The following ARID1B variants were observed in gnomAD, a reference collection of about 807,000 sequenced individuals.
ARID1B encodes AT-rich interactive domain-containing protein 1B.
Under a neutral mutation model 212.3 loss-of-function variants are expected in ARID1B, and 30 were observed. That is an observed-to-expected ratio of 0.14 (90% CI 0.11 to 0.19). The LOEUF (loss-of-function observed/expected upper bound fraction) is 0.19, where lower values mean the gene tolerates loss of function less well. Ranked by LOEUF, ARID1B falls within the 10% of genes least tolerant of loss-of-function variation. ARID1B has a pLI of 1.00. For synonymous variants in ARID1B, 1,402 were observed against 1,301.7 expected (o/e 1.08, Z -1.66); for missense variants, 2,891 against 3,204.0 (o/e 0.90, Z 2.36).
At chr6:156,912,815 C>G (rs1458860613) in intron 3 of ARID1B, among the ~76,000 whole-genome samples, 1 of 152,180 alleles carries the variant, frequency 6.6e-6, no homozygotes. Flanking sequence ...CCCACACCAT[C>G]CATTTCTCTG....
intron 5 of ARID1B, among the ~76,000 whole-genome samples, chr6:157,104,970 A>C (rs1786348533): frequency 6.6e-6 from 1 of 152,246 alleles, no homozygotes; most frequent in South Asian, 2.1e-4. Context: ...ACATGGTATA[A>C]AAATACTGGA....
At chr6:157,158,259 T>G (rs774017273) in intron 8 of ARID1B, among the ~76,000 whole-genome samples, 3 of 152,226 alleles carry the variant, frequency 2.0e-5, no homozygotes, top group Non-Finnish European at 4.4e-5. Flanking sequence ...ATGTTTGGCT[T>G]TACCAAACTA....
intron 4 of ARID1B, among the ~76,000 whole-genome samples, chr6:156,980,888 T>C (rs769567970): frequency 6.6e-6 from 1 of 152,206 alleles, no homozygotes; most frequent in Non-Finnish European, 1.5e-5. Flanking sequence ...AAATCTTTTA[T>C]TATTTTAGGG....
intron 7 of ARID1B, among the ~76,000 whole-genome samples, chr6:157,142,207 G>A (rs1206305369): frequency 6.6e-6 from 1 of 152,174 alleles, no homozygotes; most frequent in Non-Finnish European, 1.5e-5. Context: ...GTGGCATGGG[G>A]ATAAGGTTGA....
At chr6:156,874,634 C>CA (rs1315590686) in intron 2 of ARID1B, among the ~76,000 whole-genome samples, 1 of 152,186 alleles carries the variant, frequency 6.6e-6, no homozygotes, top group Non-Finnish European at 1.5e-5. Flanking sequence ...CCAGGCCCGT[C>CA]CCTTTCTGAC....
chr6:156,818,054 T>G (rs1427518114), intron 1 of ARID1B, among the ~76,000 whole-genome samples: 1 of 151,578 alleles, frequency 6.6e-6, no homozygotes, highest in African/African-American at 2.4e-5. Context: ...TCTCCTTCAG[T>G]GTAAGATTCT....
chr6:157,011,272 T>C (rs1458167529), intron 4 of ARID1B, among the ~76,000 whole-genome samples: 1 of 152,252 alleles, frequency 6.6e-6, no homozygotes, highest in Non-Finnish European at 1.5e-5. Context: ...ATTAGATTGC[T>C]ATTTGAGGAT....
intron 4 of ARID1B, among the ~76,000 whole-genome samples, chr6:157,034,814 G>C (rs1425258363): frequency 6.6e-6 from 1 of 152,218 alleles, no homozygotes; most frequent in Admixed American, 6.5e-5. Context: ...TACAGAAATA[G>C]AGGATGTAAA....
intron 2 of ARID1B, among the ~76,000 whole-genome samples, chr6:156,838,736 C>T (rs888061804): frequency 1.1e-4 from 9 of 82,150 alleles, no homozygotes; most frequent in Non-Finnish European, 2.0e-4. Context: ...TAATAATAAA[C>T]AAAAAAAACC....
At chr6:156,806,549 A>C (rs1333573119) in intron 1 of ARID1B, among the ~76,000 whole-genome samples, 1 of 152,240 alleles carries the variant, frequency 6.6e-6, no homozygotes, top group Admixed American at 6.5e-5. Flanking sequence ...ATAATTTCCA[A>C]AGTGCTTTTC....
At chr6:156,882,413 G>T (rs1484737377) in intron 2 of ARID1B, among the ~76,000 whole-genome samples, 1 of 152,144 alleles carries the variant, frequency 6.6e-6, no homozygotes, top group Non-Finnish European at 1.5e-5. Context: ...CATCTACAGG[G>T]CCTGGGATGA....
intron 4 of ARID1B, among the ~76,000 whole-genome samples, chr6:157,055,009 G>A (rs1288237441): frequency 6.6e-6 from 1 of 152,216 alleles, no homozygotes; most frequent in Non-Finnish European, 1.5e-5. Context: ...ACCTGCAGAG[G>A]AGGGAACAGA....
In ARID1B at chr6:157,039,927, C is replaced by T. The variant is rs1317619937; in HGVS notation, c.2248-44735C>T. Among the ~76,000 whole-genome samples the T allele has an allele frequency of 1.7e-3, 211 of 127,438 alleles. 1 individual carries two copies. The highest frequency in any genetic ancestry group is 6.0e-3 in the African/African-American group (196 of 32,870). 83.6% of individuals were successfully genotyped at this position (127,438 alleles called of 152,430 possible). ...CCTTCCTTCCTTCCTTCTTTCTTTTCTTTCTTTCTTTCTTTTTTCTGTCTT... is the reference window on the plus strand; with the variant it reads ...CCTTCCTTCCTTCCTTCTTTCTTTTTTTTCTTTCTTTCTTTTTTCTGTCTT... On this transcript the variant is annotated intron_variant, in intron 4 of 19. Coordinates refer to ENST00000636930, the MANE Select transcript of ARID1B (RefSeq NM_001374828.1).
intron 4 of ARID1B, among the ~76,000 whole-genome samples, chr6:157,058,245 C>A (rs1783092634): frequency 1.3e-5 from 2 of 151,770 alleles, no homozygotes; most frequent in African/African-American, 4.9e-5. Flanking sequence ...GCAACTGTTT[C>A]TCAAACTACT....
At chr6:156,842,574 G>A (rs1481364912) in intron 2 of ARID1B, among the ~76,000 whole-genome samples, 1 of 152,148 alleles carries the variant, frequency 6.6e-6, no homozygotes, top group Non-Finnish European at 1.5e-5. Context: ...ATGAACATTT[G>A]TGTACAGGTA....
intron 1 of ARID1B, among the ~76,000 whole-genome samples, chr6:156,806,387 T>C (rs1781157525): frequency 6.6e-6 from 1 of 152,252 alleles, no homozygotes; most frequent in South Asian, 2.1e-4. Context: ...TAGAGCTGGT[T>C]TGGAGGTGTT....
chr6:156,794,570 CTTTTTTTTTTTTTTTT>C (rs34848808), intron 1 of ARID1B, among the ~76,000 whole-genome samples: 2 of 67,974 alleles, frequency 2.9e-5, no homozygotes, highest in African/African-American at 7.1e-5. Flanking sequence ...CTGGCACATT[CTTTTTTTTTTTTTTTT>C]TTTTTTTTTT....
chr6:156,914,822 A>C (rs934442912), intron 3 of ARID1B, among the ~76,000 whole-genome samples: 1 of 152,210 alleles, frequency 6.6e-6, no homozygotes, highest in Admixed American at 6.5e-5. Flanking sequence ...CCCCCATCCC[A>C]ACAATATGTA....
At chr6:156,848,707 G>A (rs1784388380) in intron 2 of ARID1B, among the ~76,000 whole-genome samples, 2 of 152,212 alleles carry the variant, frequency 1.3e-5, no homozygotes, top group Admixed American at 1.3e-4. Flanking sequence ...CTGCCAGCTG[G>A]CCCAAGGCCA....
Sources: gnomAD v4.1 joint callset for allele counts (sites outside exome capture counted in the v4.1 genomes callset) on GRCh38, gnomAD v4.1.1 for gene constraint, MANE v1.5 for transcripts, NCBI Gene and HGNC (gene_info 2026-07-23, HGNC 2026-07-21) for gene names.